PLEKHG4B: variants seen among roughly 807,000 people sequenced by gnomAD.
PLEKHG4B encodes pleckstrin homology and RhoGEF domain containing G4B, also known as pleckstrin homology domain-containing family G member 4B.
A neutral mutation model predicts 121.3 loss-of-function variants in PLEKHG4B; 111 were observed. The ratio of observed to expected loss-of-function variants is 0.92; its 90% CI spans 0.78 to 1.07. The LOEUF is 1.07. Among genes scored for constraint, PLEKHG4B ranks in the 50% least tolerant of loss-of-function variants. The pLI, the probability that PLEKHG4B is intolerant of heterozygous loss-of-function variation, is 0.00. For missense variants in PLEKHG4B, 1,831 were observed against 1,757.8 expected (o/e 1.04, Z -0.74); for synonymous variants, 738 against 725.0 (o/e 1.02, Z -0.29).
At position 140,127 on chromosome 5, in the gene PLEKHG4B, G is replaced by T; in HGVS notation, c.888G>T (p.Gln296His). 3.3e-6 allele frequency: 2 copies of T among 597,022 alleles called. No homozygotes were observed. Among genetic ancestry groups the T allele is most frequent in the Non-Finnish European group, 5.7e-6 (2 of 353,804 alleles). 37.0% of individuals were successfully genotyped at this position (597,022 alleles called of 1,614,324 possible). Residue 296 changes from glutamine to histidine, a missense_variant, in exon 3 of 20, where the codon CAG (glutamine) becomes CAT (histidine). Gln to His is a conservative substitution (Grantham distance 24). Coordinates refer to ENST00000637938, the MANE Select transcript of PLEKHG4B (RefSeq NM_052909.5). ...TCGAAAAGGTCAGCCCCTCAGAGCA[G>T]GGCCCACGGATGCCCCCTGAGAACT... ...RDFEKVSPSEQGPRMPPENCG... is the reference protein window; with the variant it reads ...RDFEKVSPSEHGPRMPPENCG...
chr5:168,102 G>A (rs1260443292), intron 13 of PLEKHG4B, among the ~76,000 whole-genome samples: 2 of 152,256 alleles, frequency 1.3e-5, no homozygotes, highest in East Asian at 3.9e-4. Context: ...GTGAGACTTC[G>A]GGCAGCCACA....
chr5:138,491 C>T (rs1735050362), intron 2 of PLEKHG4B, among the ~76,000 whole-genome samples: 1 of 152,210 alleles, frequency 6.6e-6, no homozygotes. Flanking sequence ...TAACCTTTCC[C>T]CATCTGCATG....
chr5:150,534 C>A lies in PLEKHG4B; in HGVS notation c.1906-979C>A, dbSNP rs12655923. Among the ~76,000 whole-genome samples the A allele has an allele frequency of 1.9e-4, 29 of 152,186 alleles. No individual in the cohort carries two copies. In the East Asian group the frequency reaches 4.8e-3, roughly 25 times the overall value. On this transcript the variant is annotated intron_variant, in intron 6 of 19. Transcript: ENST00000637938. ...CCACAATGAAACAATTGAAAATGCA[C>A]ATCTGATAAAGGGCTTGTATATAGA...
In PLEKHG4B at chr5:161,942, A is replaced by G. The variant is rs1736020515; in HGVS notation, c.2647A>G (p.Thr883Ala). 4 of 1,607,378 alleles carry G rather than the reference A, an allele frequency of 2.5e-6. No individual in the cohort carries two copies. The highest frequency in any genetic ancestry group is 1.7e-5 in the Admixed American group (1 of 59,832). ...RWTRSSELCETVSSWMGPLDP... is the reference protein window; with the variant it reads ...RWTRSSELCEAVSSWMGPLDP... ...GACCCGCTCGTCCGAGTTGTGCGAGACGGTAAGAGACCCAGTGGGCGTGCG... is the reference window on the plus strand; with the variant it reads ...GACCCGCTCGTCCGAGTTGTGCGAGGCGGTAAGAGACCCAGTGGGCGTGCG... The change falls in exon 12 of 20, where the codon ACG becomes GCG. Residue 883 changes from threonine (T) to alanine (A), a missense_variant and splice_region_variant. Transcript: ENST00000637938.
chr5:106,917 C>T (rs1173375692), intron 1 of PLEKHG4B, among the ~76,000 whole-genome samples: 1 of 152,306 alleles, frequency 6.6e-6, no homozygotes, highest in Non-Finnish European at 1.5e-5. Context: ...TGTGCACGCA[C>T]GCAGGTGTCT....
intron 2 of PLEKHG4B, among the ~76,000 whole-genome samples, chr5:116,529 C>A (rs761312083): frequency 6.6e-6 from 1 of 152,162 alleles, no homozygotes; most frequent in Non-Finnish European, 1.5e-5. Flanking sequence ...ACAGATAAGT[C>A]CCACTTAATG....
Position 156,749 on chromosome 5 carries a change from T to C in PLEKHG4B, c.2349-24T>C. 2 of 1,540,586 alleles carry C rather than the reference T, an allele frequency of 1.3e-6. No homozygotes were observed. The highest frequency in any genetic ancestry group is 1.8e-6 in the Non-Finnish European group (2 of 1,139,866). On this transcript the variant is annotated intron_variant, in intron 10 of 19. Transcript: ENST00000637938. This position sits in a 1 kb window ranked among gnomAD's most constrained non-coding sequence, Gnocchi z 4.4. ...TTCCTCAAGGGGCCGCCTGGAAGCC[T>C]GAGGACTGCCTTCTCTTCCTCAGGG...
At chr5:181,814 G>C in intron 19 of PLEKHG4B, 139 bp downstream of exon 19, 1 of 1,338,392 alleles carries the variant, frequency 7.5e-7, no homozygotes, top group Non-Finnish European at 1.0e-6. Flanking sequence ...ACACGGGTAC[G>C]GTGGCCTCGG....
In PLEKHG4B at chr5:184,905, A is replaced by G. The variant is rs1733568290; in HGVS notation, c.*2582A>G. The G allele has an allele frequency of 6.6e-6, 1 of 152,242 alleles. No individual in the cohort carries two copies. Among genetic ancestry groups the G allele is most frequent in the South Asian group, 2.1e-4 (1 of 4,834 alleles). 9.4% of individuals were successfully genotyped at this position (152,242 alleles called of 1,614,324 possible). A position where few individuals can be genotyped will look rare whatever the true frequency, so the allele number is the denominator to read the frequency against. On this transcript the variant is annotated 3_prime_UTR_variant, in exon 20 of 20. Transcript: ENST00000637938. ...GTTAACTGACTGTTTAAACAAAAGTATTAACGTATCTGCGGTTTGTACTAT... is the reference window on the plus strand; with the variant it reads ...GTTAACTGACTGTTTAAACAAAAGTGTTAACGTATCTGCGGTTTGTACTAT...
At chr5:105,881 G>T (rs76971931) in intron 1 of PLEKHG4B, among the ~76,000 whole-genome samples, 2,433 of 152,302 alleles carry the variant, frequency 0.016, 75 homozygotes, top group African/African-American at 0.055. Flanking sequence ...AAGCTGGGGG[G>T]GCCCATGAGC....
At chr5:109,322 G>A (rs374733535) in intron 1 of PLEKHG4B, among the ~76,000 whole-genome samples, 1 of 151,090 alleles carries the variant, frequency 6.6e-6, no homozygotes, top group South Asian at 2.1e-4. Context: ...ACTTGAACCC[G>A]GGAGGTGGAG....
At chr5:132,113 A>G (rs1012775890) in intron 2 of PLEKHG4B, among the ~76,000 whole-genome samples, 4 of 152,148 alleles carry the variant, frequency 2.6e-5, no homozygotes, top group Non-Finnish European at 5.9e-5. Context: ...CAAGACAAGG[A>G]TGCGCACTTT....
Position 187,056 on chromosome 5 carries a change from A to G in PLEKHG4B, c.*4733A>G, listed in dbSNP as rs1390162645. 3.9e-5 allele frequency: 6 copies of G among 152,346 alleles called. No homozygotes were observed. Among genetic ancestry groups the G allele is most frequent in the Non-Finnish European group, 8.8e-5 (6 of 68,150 alleles). 9.4% of individuals were successfully genotyped at this position (152,346 alleles called of 1,614,324 possible). On this transcript the variant is annotated 3_prime_UTR_variant, in exon 20 of 20. Coordinates refer to ENST00000637938, the MANE Select transcript of PLEKHG4B (RefSeq NM_052909.5). ...GGTTGGGGCTCCCGCAGTGAGCTCT[A>G]GCCCTCCCCAGGACCCTCCCACGGC...
chr5:106,861 G>A (rs1240311281), intron 1 of PLEKHG4B, among the ~76,000 whole-genome samples: 2 of 150,612 alleles, frequency 1.3e-5, no homozygotes, highest in Non-Finnish European at 2.9e-5. Context: ...ACGTGTGTGT[G>A]GTGAGAGATG....
chr5:171,568 T>A (rs1369887025), intron 16 of PLEKHG4B, 124 bp downstream of exon 16: 1 of 999,550 alleles, frequency 1.0e-6, no homozygotes, highest in Non-Finnish European at 1.5e-6. Context: ...CCCGGAGAAG[T>A]CCCTCAAAGC....
At chr5:124,084 C>A (rs967479652) in intron 2 of PLEKHG4B, among the ~76,000 whole-genome samples, 9 of 152,088 alleles carry the variant, frequency 5.9e-5, no homozygotes, top group Non-Finnish European at 1.3e-4. Flanking sequence ...AACATTTTCT[C>A]ATTTTTCTTG....
rs371810944 is a variant in PLEKHG4B at position 151,597 on chromosome 5, C to T, written c.1990C>T (p.Gln664Ter). 5.1e-6 allele frequency: 8 copies of T among 1,571,238 alleles called. No individual in the cohort carries two copies. The highest frequency in any genetic ancestry group is 5.2e-6 in the Non-Finnish European group (6 of 1,143,146). ...AFRPDKDAIIQCEVVSSLKAV... is the reference protein window; with the variant it reads ...AFRPDKDAII ...TAGGCCTGACAAGGATGCAATAATT[C>T]AGGTAATGGTTTAGACTGTGGGATC... The change falls in exon 7 of 20, where the codon CAG becomes TAG. Residue 664 changes from glutamine to a stop codon, truncating the protein, a stop_gained and splice_region_variant. Coordinates refer to ENST00000637938, the MANE Select transcript of PLEKHG4B (RefSeq NM_052909.5). LOFTEE classifies it high-confidence loss of function.
chr5:98,773 G>A (rs1291260441), intron 1 of PLEKHG4B, among the ~76,000 whole-genome samples: 1 of 144,984 alleles, frequency 6.9e-6, no homozygotes, highest in Admixed American at 6.9e-5. Context: ...CCGCCCGGCC[G>A]ATTACTGTAG....
At chr5:143,686 G>GC (rs1373287328) in intron 5 of PLEKHG4B, among the ~76,000 whole-genome samples, 183 bp downstream of exon 5, 1 of 152,126 alleles carries the variant, frequency 6.6e-6, no homozygotes, top group Non-Finnish European at 1.5e-5. Context: ...ACCATTTCTT[G>GC]CCTTCTCTAC....
Sources: allele counts gnomAD v4.1 joint callset (sites outside exome capture counted in the v4.1 genomes callset), GRCh38; gene constraint gnomAD v4.1.1; non-coding constraint Gnocchi (gnomAD v3.1); transcripts MANE v1.5; gene names NCBI Gene and HGNC (gene_info 2026-07-23, HGNC 2026-07-21).